FHIT: variants seen among roughly 807,000 people sequenced by gnomAD.
FHIT encodes the protein fragile histidine triad diadenosine triphosphatase.
A neutral mutation model predicts 17.9 loss-of-function variants in FHIT; 19 were observed. The ratio of observed to expected loss-of-function variants is 1.06; its 90% CI spans 0.74 to 1.56. FHIT has a LOEUF of 1.56. FHIT is among the 40% of genes most tolerant of loss of function. The pLI, the probability that FHIT is intolerant of heterozygous loss-of-function variation, is 0.00. For synonymous variants in FHIT, 81 were observed against 69.7 expected, an observed-to-expected ratio of 1.16 and a Z score of -0.81; for missense variants, 248 against 189.2, an observed-to-expected ratio of 1.31 and a Z score of -1.82.
chr3:60,897,259 T>C (rs1705871790), intron 3 of FHIT, among the ~76,000 whole-genome samples: 1 of 152,238 alleles, frequency 6.6e-6, no homozygotes, highest in Admixed American at 6.5e-5. Flanking sequence ...CATATTTTCA[T>C]ATACTTAAGG....
intron 5 of FHIT, among the ~76,000 whole-genome samples, chr3:60,237,068 G>C (rs191095610): frequency 1.0e-3 from 157 of 152,142 alleles, no homozygotes; most frequent in Middle Eastern, 6.8e-3. Context: ...TTCCCATGGT[G>C]ACTAAAATAT....
intron 5 of FHIT, among the ~76,000 whole-genome samples, chr3:60,290,653 C>T (rs1465191521): frequency 6.6e-6 from 1 of 152,132 alleles, no homozygotes; most frequent in Non-Finnish European, 1.5e-5. Context: ...AATATGAAAC[C>T]ATTTTTTTCT....
intron 5 of FHIT, among the ~76,000 whole-genome samples, chr3:60,223,115 A>C (rs537957521): frequency 6.6e-6 from 1 of 152,310 alleles, no homozygotes; most frequent in South Asian, 2.1e-4. Flanking sequence ...ATCAGAGATG[A>C]AGGAAGACTT....
intron 5 of FHIT, among the ~76,000 whole-genome samples, chr3:60,529,088 T>A (rs2035676611): frequency 6.6e-6 from 1 of 152,206 alleles, no homozygotes; most frequent in Non-Finnish European, 1.5e-5. Flanking sequence ...CTACTTCAGA[T>A]ATCTGGTATT....
At position 61,189,542 on chromosome 3, in the gene FHIT, C is replaced by G. The variant is rs1341965486; in HGVS notation, c.-164+11075G>C. 1.9e-4 allele frequency among the ~76,000 whole-genome samples: 29 copies of G among 151,728 alleles called. No homozygotes were observed. In the South Asian group the frequency reaches 2.1e-3, roughly 11 times the overall value. On this transcript the variant is annotated intron_variant, in intron 2 of 9. Coordinates refer to ENST00000492590, the MANE Select transcript of FHIT (RefSeq NM_002012.4). ...TTTGTAGATTCAATGCCATCCCCAT[C>G]AAGCTACCAATGACTTTCTTCACAG...
chr3:60,930,596 C>CA (rs1349013673), intron 3 of FHIT, among the ~76,000 whole-genome samples: 1 of 152,090 alleles, frequency 6.6e-6, no homozygotes, highest in Non-Finnish European at 1.5e-5. Context: ...TTTATGAAGC[C>CA]AAAAGACACA....
chr3:60,130,789 G>GTGTGTGTGTATA (rs1559660689), intron 5 of FHIT, among the ~76,000 whole-genome samples: 5 of 135,994 alleles, frequency 3.7e-5, no homozygotes, highest in African/African-American at 1.3e-4. Context: ...TGTGTGGTGT[G>GTGTGTGTGTATA]TATATACACA....
chr3:61,045,001 A>T (rs1158289280), intron 2 of FHIT, among the ~76,000 whole-genome samples: 6 of 152,238 alleles, frequency 3.9e-5, no homozygotes, highest in Non-Finnish European at 8.8e-5. Context: ...ATGGAAAGGA[A>T]CAACCAGTAC....
chr3:61,042,406 T>TG (rs1482151687), intron 2 of FHIT, among the ~76,000 whole-genome samples: 1 of 152,168 alleles, frequency 6.6e-6, no homozygotes, highest in South Asian at 2.1e-4. Flanking sequence ...ATAAGCAGTA[T>TG]GGAACCTCGG....
Position 59,847,989 on chromosome 3 carries a change from C to G in FHIT, c.348+74357G>C, listed in dbSNP as rs149953084. Among the ~76,000 whole-genome samples the G allele has an allele frequency of 2.0e-3, 308 of 152,296 alleles. 1 individual carries two copies. The highest frequency in any genetic ancestry group is 7.0e-3 in the African/African-American group (291 of 41,570). ...TCAGCCCTTTAAATTCCCTAGGAGT[C>G]ACTTCAGCTAGAGAGGAAGGTACAA... On this transcript the variant is annotated intron_variant, in intron 8 of 9. Coordinates refer to ENST00000492590, the MANE Select transcript of FHIT (RefSeq NM_002012.4).
intron 5 of FHIT, among the ~76,000 whole-genome samples, chr3:60,410,091 C>G (rs1418625548): frequency 6.6e-6 from 1 of 152,086 alleles, no homozygotes; most frequent in African/African-American, 2.4e-5. Context: ...TAAGAACCTG[C>G]TATTGTTTAA....
Position 61,085,430 on chromosome 3 carries a change from T to C in FHIT, c.-163-43331A>G, listed in dbSNP as rs113049034. ...TGCATTTTCCTGGTGATGATAAGCA[T>C]TTTTCATGTGATTATTTGCCATTAA... On this transcript the variant is annotated intron_variant, in intron 2 of 9. Coordinates refer to ENST00000492590, the MANE Select transcript of FHIT (RefSeq NM_002012.4). 6.3e-3 allele frequency among the ~76,000 whole-genome samples: 955 copies of C among 152,272 alleles called. 10 individuals are homozygous for C. The highest frequency in any genetic ancestry group is 0.022 in the African/African-American group (918 of 41,566).
intron 5 of FHIT, among the ~76,000 whole-genome samples, chr3:60,313,187 C>T (rs1324161782): frequency 6.6e-6 from 1 of 152,230 alleles, no homozygotes; most frequent in Non-Finnish European, 1.5e-5. Flanking sequence ...ATGCTCTAAA[C>T]ATTACATATG....
chr3:60,434,830 T>C (rs1328900775), intron 5 of FHIT, among the ~76,000 whole-genome samples: 1 of 152,134 alleles, frequency 6.6e-6, no homozygotes, highest in Non-Finnish European at 1.5e-5. Context: ...TCTTTACCCA[T>C]TGCTGCCCAC....
intron 4 of FHIT, among the ~76,000 whole-genome samples, chr3:60,626,137 A>C (rs192015881): frequency 7.2e-5 from 11 of 152,092 alleles, no homozygotes; most frequent in African/African-American, 2.7e-4. Flanking sequence ...TAGAGTTGTC[A>C]TGAGTTCCGA....
At position 60,624,907 on chromosome 3, in the gene FHIT, G is replaced by C. The variant is rs570285400; in HGVS notation, c.-17-87928C>G. ...TGGCTTGTTTCTAGTTTTTTTTTTT[G>C]TTTGTTTGTTTGTTTGTTTTTGAGA... On this transcript the variant is annotated intron_variant, in intron 4 of 9. Coordinates refer to ENST00000492590, the MANE Select transcript of FHIT (RefSeq NM_002012.4). Among the ~76,000 whole-genome samples the C allele has an allele frequency of 3.3e-3, 492 of 149,576 alleles. 4 individuals are homozygous for C. The highest frequency in any genetic ancestry group is 0.012 in the African/African-American group (468 of 40,402).
At chr3:60,185,132 T>C (rs953173431) in intron 5 of FHIT, among the ~76,000 whole-genome samples, 68 of 152,320 alleles carry the variant, frequency 4.5e-4, no homozygotes, top group African/African-American at 1.4e-3. Flanking sequence ...ATCTGGGTGT[T>C]AGGTGTATTT....
chr3:60,023,152 ATATT>A (rs1158133983), intron 5 of FHIT, among the ~76,000 whole-genome samples: 1 of 152,250 alleles, frequency 6.6e-6, no homozygotes, highest in African/African-American at 2.4e-5. Flanking sequence ...AGCTGAAGAA[ATATT>A]TAAAGATAAC....
intron 3 of FHIT, among the ~76,000 whole-genome samples, chr3:60,826,928 C>T (rs1553741227): frequency 6.6e-6 from 1 of 152,126 alleles, no homozygotes; most frequent in African/African-American, 2.4e-5. Context: ...TTTTGCTTGT[C>T]ATATTTCTCT....
Sources: allele counts gnomAD v4.1 joint callset (sites outside exome capture counted in the v4.1 genomes callset), GRCh38; gene constraint gnomAD v4.1.1; transcripts MANE v1.5; gene names NCBI Gene and HGNC (gene_info 2026-07-23, HGNC 2026-07-21).